Variants in OTOGL observed in about 807,000 individuals in gnomAD.
OTOGL encodes otogelin like, also known as otogelin-like protein.
A neutral mutation model predicts 318.5 loss-of-function variants in OTOGL; 285 were observed. The ratio of observed to expected loss-of-function variants is 0.89; its 90% confidence interval spans 0.81 to 0.99. OTOGL has a LOEUF of 0.99. Ranked by LOEUF, OTOGL falls within the 50% of genes least tolerant of loss-of-function variation. The pLI is 0.00. For missense variants in OTOGL, 2,899 were observed against 2,845.6 expected (o/e 1.02, Z -0.43); for synonymous variants, 987 against 936.5 (o/e 1.05, Z -0.99).
At chr12:80,311,906 G>A (rs1886659014) in intron 30 of OTOGL, among the ~76,000 whole-genome samples, 1 of 152,076 alleles carries the variant, frequency 6.6e-6, no homozygotes, top group Non-Finnish European at 1.5e-5. Context: ...AATGTGACTT[G>A]TAGCTATTGT....
rs368163835 is a variant in OTOGL at position 80,120,285 on chromosome 12, C to T, written c.-20+20680C>T. Among the ~76,000 whole-genome samples the T allele has an allele frequency of 1.8e-4, 28 of 152,204 alleles. No homozygotes were observed. In the East Asian group the frequency reaches 2.3e-3, roughly 13 times the overall value. ...ACTGCAAGATTTACTGACATAATGA[C>T]AACAAATATCATTTAATTAGAGTTT... On this transcript the variant is annotated intron_variant, in intron 1 of 58. Coordinates refer to ENST00000547103, the MANE Select transcript of OTOGL (RefSeq NM_001378609.3).
At chr12:80,284,605 T>A (rs1428441838) in intron 26 of OTOGL, among the ~76,000 whole-genome samples, 3 of 152,232 alleles carry the variant, frequency 2.0e-5, no homozygotes, top group Non-Finnish European at 4.4e-5. Context: ...ATTGTGGTTT[T>A]GATTTGCATT....
At position 80,256,458 on chromosome 12, in the gene OTOGL, A is replaced by G; in HGVS notation, c.1709A>G (p.Asn570Ser). ...AGTCCTAACCAAGGCTTCAACCTGA[A>G]TGGTAAGAAACAGTGCTAATGGTGT... ...LTSPNQGFNLNGIVEIQTLSS... is the reference protein window; with the variant it reads ...LTSPNQGFNLSGIVEIQTLSS... Residue 570 changes from asparagine to serine, a missense_variant and splice_region_variant, in exon 17 of 59, where the codon AAT (asparagine) becomes AGT (serine). Coordinates refer to ENST00000547103, the MANE Select transcript of OTOGL (RefSeq NM_001378609.3). The G allele has an allele frequency of 6.3e-7, 1 of 1,577,576 alleles. No homozygotes were observed. The highest frequency in any genetic ancestry group is 8.6e-7 in the Non-Finnish European group (1 of 1,168,156).
chr12:80,188,309 G>A (rs139192277), intron 1 of OTOGL, among the ~76,000 whole-genome samples: 14 of 152,170 alleles, frequency 9.2e-5, no homozygotes, highest in South Asian at 8.3e-4. Flanking sequence ...AGAGGCCGAG[G>A]CGGGCAGATC....
chr12:80,162,278 C>T (rs1456056253), intron 1 of OTOGL, among the ~76,000 whole-genome samples: 1 of 152,092 alleles, frequency 6.6e-6, no homozygotes, highest in Non-Finnish European at 1.5e-5. Flanking sequence ...ATCGAAATTG[C>T]AGTATCATAG....
At chr12:80,119,641 C>T (rs1485724169) in intron 1 of OTOGL, among the ~76,000 whole-genome samples, 3 of 152,148 alleles carry the variant, frequency 2.0e-5, no homozygotes, top group African/African-American at 7.2e-5. Flanking sequence ...CCCCTTCCCC[C>T]ATGTACTCTG....
chr12:80,185,751 G>A (rs1261080287), intron 1 of OTOGL, among the ~76,000 whole-genome samples: 1 of 152,166 alleles, frequency 6.6e-6, no homozygotes, highest in Non-Finnish European at 1.5e-5. Context: ...GTAAATATTA[G>A]TGATCTGCAT....
At chr12:80,194,558 C>A (rs1319445471) in intron 1 of OTOGL, among the ~76,000 whole-genome samples, 3 of 152,120 alleles carry the variant, frequency 2.0e-5, no homozygotes, top group African/African-American at 7.2e-5. Flanking sequence ...TGCTCTAATT[C>A]TTTTGAGTCA....
chr12:80,208,201 C>A (rs1465603860), intron 1 of OTOGL: 2 of 517,446 alleles, frequency 3.9e-6, no homozygotes, highest in East Asian at 1.1e-4. Flanking sequence ...ATTATTTCGG[C>A]AATGGAAAGG....
chr12:80,148,086 T>C (rs1872525309), intron 1 of OTOGL, among the ~76,000 whole-genome samples: 1 of 152,150 alleles, frequency 6.6e-6, no homozygotes. Flanking sequence ...GTGAATTTGA[T>C]CCTGTCATGA....
At chr12:80,339,970 T>A (rs1888660907) in intron 43 of OTOGL, among the ~76,000 whole-genome samples, 1 of 152,180 alleles carries the variant, frequency 6.6e-6, no homozygotes, top group African/African-American at 2.4e-5. Flanking sequence ...TTTACAGTTG[T>A]GTGCTCTGAA....
intron 26 of OTOGL, among the ~76,000 whole-genome samples, chr12:80,289,346 G>C (rs1467133833): frequency 6.6e-6 from 1 of 152,210 alleles, no homozygotes; most frequent in South Asian, 2.1e-4. Context: ...CTACTAGGAA[G>C]TGTCTCCCAG....
intron 24 of OTOGL, among the ~76,000 whole-genome samples, chr12:80,274,548 A>G (rs1883652677): frequency 6.6e-6 from 1 of 152,060 alleles, no homozygotes; most frequent in Admixed American, 6.6e-5. Context: ...CTGATGGAGA[A>G]GCTGCAGCAA....
In OTOGL at chr12:80,355,806, T is replaced by G; in HGVS notation, c.5664T>G (p.Thr1888=). 6.2e-7 allele frequency: 1 copy of G among 1,613,910 alleles called. No individual in the cohort carries two copies. The highest frequency in any genetic ancestry group is 1.7e-5 in the Admixed American group (1 of 59,992). ...GGAATGGGGGCATTGATGAATGCAC[T>G]CTATACAAATGTTTGGAGAATGGAA... is the stretch of plus-strand genomic sequence containing the variant. ...EIWNGGIDEC[T]LYKCLENGSI... The change falls in exon 47 of 59, where the codon ACT becomes ACG. Residue 1888 remains threonine (T), a synonymous_variant. Coordinates refer to ENST00000547103, the MANE Select transcript of OTOGL (RefSeq NM_001378609.3).
chr12:80,129,264 A>G (rs1017786969), intron 1 of OTOGL, among the ~76,000 whole-genome samples: 29 of 152,012 alleles, frequency 1.9e-4, no homozygotes, highest in African/African-American at 6.8e-4. Flanking sequence ...TGAATTAAAA[A>G]CCGTTTTCTC....
chr12:80,356,770 G>T (rs1402208702), intron 48 of OTOGL, 37 bp from the exon 49 acceptor site: 2 of 1,291,326 alleles, frequency 1.5e-6, no homozygotes, highest in Admixed American at 2.2e-5. Flanking sequence ...TTTTTATTAT[G>T]CTATACAAAT....
chr12:80,132,980 C>G (rs1871330915), intron 1 of OTOGL, among the ~76,000 whole-genome samples: 1 of 152,152 alleles, frequency 6.6e-6, no homozygotes, highest in Non-Finnish European at 1.5e-5. Context: ...TGCATCTCTC[C>G]TGTTACTTTT....
At chr12:80,337,850 A>G (rs1269059001) in intron 42 of OTOGL, among the ~76,000 whole-genome samples, 1 of 152,126 alleles carries the variant, frequency 6.6e-6, no homozygotes, top group African/African-American at 2.4e-5. Context: ...AAAACAAAAT[A>G]TATAAAAGAG....
At chr12:80,110,161 AG>A (rs1230352370) in intron 1 of OTOGL, among the ~76,000 whole-genome samples, 3 of 144,268 alleles carry the variant, frequency 2.1e-5, no homozygotes. Flanking sequence ...TTCGTCTCCC[AG>A]GTTCACGCCA....
Sources: allele counts gnomAD v4.1 joint callset (sites outside exome capture counted in the v4.1 genomes callset), GRCh38; gene constraint gnomAD v4.1.1; transcripts MANE v1.5; gene names NCBI Gene and HGNC (gene_info 2026-07-23, HGNC 2026-07-21).